The following SORCS1 variants were observed in gnomAD, a reference collection of about 807,000 sequenced individuals.
The protein encoded by SORCS1 is VPS10 domain-containing receptor SorCS1.
A neutral mutation model predicts 146.1 loss-of-function variants in SORCS1; 60 were observed. The observed-to-expected ratio is 0.41, with a 90% CI of 0.33 to 0.51. The LOEUF is 0.51. Ranked by LOEUF, SORCS1 falls within the 20% of genes least tolerant of loss-of-function variation. The pLI is 0.21. For synonymous variants in SORCS1, 637 were observed against 584.0 expected, an observed-to-expected ratio of 1.09 and a Z score of -1.31; for missense variants, 1,352 against 1,487.6, an observed-to-expected ratio of 0.91 and a Z score of 1.50.
chr10:106,793,674 A>T (rs1317024619), intron 3 of SORCS1, among the ~76,000 whole-genome samples: 1 of 152,228 alleles, frequency 6.6e-6, no homozygotes, highest in Non-Finnish European at 1.5e-5. Context: ...AAATACTCTT[A>T]AATCCAGGCA....
intron 24 of SORCS1, among the ~76,000 whole-genome samples, chr10:106,585,450 T>G (rs72821135): frequency 0.093 from 14,177 of 152,084 alleles, 1,041 homozygotes; most frequent in East Asian, 0.24. Context: ...ACACAAATGT[T>G]CCCCTTTGCT....
intron 18 of SORCS1, among the ~76,000 whole-genome samples, chr10:106,634,702 T>G (rs2133616562): frequency 6.6e-6 from 1 of 152,334 alleles, no homozygotes; most frequent in South Asian, 2.1e-4. Context: ...AGGTTGGCAT[T>G]TACTCAATAC....
intron 5 of SORCS1, among the ~76,000 whole-genome samples, chr10:106,737,197 T>G (rs1857014262): frequency 6.6e-6 from 1 of 152,062 alleles, no homozygotes; most frequent in Admixed American, 6.5e-5. Flanking sequence ...TAAATAGGAC[T>G]AAAAGTTTAA....
In SORCS1 at chr10:106,985,576, A is replaced by C. The variant is rs1056290627; in HGVS notation, c.559-28996T>G. 5.5e-4 allele frequency among the ~76,000 whole-genome samples: 79 copies of C among 142,826 alleles called. 1 individual carries two copies. The highest frequency in any genetic ancestry group is 2.1e-3 in the African/African-American group (78 of 37,740). The allele number at this position is 142,826 out of a possible 152,430, so 93.7% of individuals were successfully genotyped here. ...TTTTTTGAGATAGTCTCACCCTGTC[A>C]CCAGGTTGGAGTGCAGTGGCACGAT... On this transcript the variant is annotated intron_variant, in intron 1 of 25. Coordinates refer to ENST00000263054, the MANE Select transcript of SORCS1 (RefSeq NM_052918.5).
At chr10:107,131,956 T>A (rs572957799) in intron 1 of SORCS1, among the ~76,000 whole-genome samples, 72 of 152,340 alleles carry the variant, frequency 4.7e-4, no homozygotes, top group Admixed American at 1.3e-3. Context: ...GAACCACTGC[T>A]GTTGGCTGAA....
intron 1 of SORCS1, among the ~76,000 whole-genome samples, chr10:107,087,950 G>T (rs912264397): frequency 6.6e-6 from 1 of 152,072 alleles, no homozygotes; most frequent in East Asian, 1.9e-4. Context: ...ACGGAGTCTC[G>T]CTCTGTCACC....
At chr10:106,844,687 C>T (rs1251654572) in intron 2 of SORCS1, among the ~76,000 whole-genome samples, 6 of 146,332 alleles carry the variant, frequency 4.1e-5, no homozygotes, top group African/African-American at 1.3e-4. Flanking sequence ...CCCACTAACT[C>T]GTCATCTAGC....
intron 5 of SORCS1, among the ~76,000 whole-genome samples, chr10:106,760,272 G>A (rs1386659095): frequency 3.3e-5 from 5 of 151,530 alleles, no homozygotes; most frequent in Non-Finnish European, 5.9e-5. Flanking sequence ...GTGAAACTCC[G>A]TCTCTACTAA....
At chr10:107,108,443 A>C (rs1965451770) in intron 1 of SORCS1, among the ~76,000 whole-genome samples, 1 of 152,134 alleles carries the variant, frequency 6.6e-6, no homozygotes, top group African/African-American at 2.4e-5. Context: ...AGAAGCAAAC[A>C]AGAGAGTAGT....
chr10:106,836,034 A>ACTTC (rs1948766805), intron 2 of SORCS1, among the ~76,000 whole-genome samples: 1 of 151,898 alleles, frequency 6.6e-6, no homozygotes, highest in African/African-American at 2.4e-5. Context: ...AACAGACAAC[A>ACTTC]TCATAACAAC....
chr10:106,704,420 A>C (rs1455959278), intron 8 of SORCS1, among the ~76,000 whole-genome samples: 2 of 149,668 alleles, frequency 1.3e-5, no homozygotes, highest in East Asian at 3.8e-4. Flanking sequence ...GGCCAGGCTC[A>C]GTGGCTCACA....
At chr10:106,864,644 C>A (rs1950158743) in intron 2 of SORCS1, among the ~76,000 whole-genome samples, 1 of 152,122 alleles carries the variant, frequency 6.6e-6, no homozygotes, top group Non-Finnish European at 1.5e-5. Context: ...ACTCCCACAA[C>A]ACATCAGGAT....
chr10:106,591,529 C>T (rs1366897728), intron 24 of SORCS1, among the ~76,000 whole-genome samples: 3 of 152,130 alleles, frequency 2.0e-5, no homozygotes, highest in Admixed American at 1.3e-4. Context: ...TTGAATATAT[C>T]TCTGCAGGCT....
intron 9 of SORCS1, among the ~76,000 whole-genome samples, chr10:106,698,737 C>T (rs1427546649): frequency 6.6e-6 from 1 of 152,184 alleles, no homozygotes; most frequent in African/African-American, 2.4e-5. Flanking sequence ...GAGAAAAAGG[C>T]CATTAGCCAA....
chr10:106,910,984 A>G (rs1010859691), intron 2 of SORCS1, among the ~76,000 whole-genome samples: 6 of 152,228 alleles, frequency 3.9e-5, no homozygotes, highest in Non-Finnish European at 8.8e-5. Context: ...CAGAATAATA[A>G]GACTTGAATT....
At chr10:106,625,429 C>T (rs147420210) in intron 19 of SORCS1, among the ~76,000 whole-genome samples, 55 of 152,228 alleles carry the variant, frequency 3.6e-4, no homozygotes, top group African/African-American at 1.2e-3. Flanking sequence ...TTTCACTGTA[C>T]GTTAAAATCA....
At chr10:106,656,534 A>C (rs1057256012) in intron 17 of SORCS1, among the ~76,000 whole-genome samples, 1 of 152,104 alleles carries the variant, frequency 6.6e-6, no homozygotes, top group African/African-American at 2.4e-5. Context: ...CCCGAGCGAG[A>C]TTCTTTCTCA....
intron 1 of SORCS1, among the ~76,000 whole-genome samples, chr10:107,005,866 C>T (rs941389783): frequency 5.3e-5 from 8 of 152,132 alleles, no homozygotes; most frequent in African/African-American, 1.4e-4. Context: ...TATAACTATC[C>T]AAATGAGAAC....
intron 1 of SORCS1, among the ~76,000 whole-genome samples, chr10:107,133,704 T>C (rs1221790981): frequency 1.3e-5 from 2 of 152,358 alleles, no homozygotes; most frequent in Admixed American, 1.3e-4. Flanking sequence ...TTCACCAGCC[T>C]TGGTGCATGT....
Sources: gnomAD v4.1 joint callset for allele counts (sites outside exome capture counted in the v4.1 genomes callset) on GRCh38, gnomAD v4.1.1 for gene constraint, MANE v1.5 for transcripts, NCBI Gene and HGNC (gene_info 2026-07-23, HGNC 2026-07-21) for gene names.